Variants in LRP1B observed in about 807,000 individuals in gnomAD.
The protein encoded by LRP1B is LDL receptor related protein 1B, also known as low-density lipoprotein receptor-related protein 1B.
Under a neutral mutation model 556.6 loss-of-function variants are expected in LRP1B, and 217 were observed. The observed-to-expected ratio is 0.39, with a 90% CI of 0.35 to 0.44. The LOEUF is 0.44. Ranked by LOEUF, LRP1B falls within the 20% of genes least tolerant of loss-of-function variation. LRP1B has a pLI of 1.00. For synonymous variants in LRP1B, 2,047 were observed against 1,865.8 expected, an observed-to-expected ratio of 1.10 and a Z score of -2.50; for missense variants, 5,053 against 5,620.8, an observed-to-expected ratio of 0.90 and a Z score of 3.23.
Position 140,534,244 on chromosome 2 carries a change from T to G in LRP1B, c.7643-104A>C, listed in dbSNP as rs1393476872. 2.1e-5 allele frequency: 23 copies of G among 1,092,398 alleles called. No individual in the cohort carries two copies. The South Asian group carries it at 3.1e-4, about 15-fold the overall frequency. The allele number at this position is 1,092,398 out of a possible 1,614,324, so 67.7% of individuals were successfully genotyped here. A position where few individuals can be genotyped will look rare whatever the true frequency, so the allele number is the denominator to read the frequency against. On this transcript the variant is annotated intron_variant, in intron 46 of 90. Transcript: ENST00000389484. ...TCATTCATAATGACTGGATTATGGA[T>G]CTATAAAACAAGTGCTGTGCCATAT... is the stretch of plus-strand genomic sequence containing the variant.
chr2:140,853,668 C>A (rs1034622345), intron 27 of LRP1B, among the ~76,000 whole-genome samples: 2 of 131,454 alleles, frequency 1.5e-5, no homozygotes, highest in East Asian at 4.3e-4. Flanking sequence ...GTAATAGTGT[C>A]TTTGTATTTG....
chr2:141,023,339 G>C (rs189488307), intron 11 of LRP1B, among the ~76,000 whole-genome samples: 1 of 151,838 alleles, frequency 6.6e-6, no homozygotes, highest in Non-Finnish European at 1.5e-5. Flanking sequence ...AAAAATTCCT[G>C]ATGTTAACAA....
intron 43 of LRP1B, among the ~76,000 whole-genome samples, chr2:140,571,943 T>C (rs1487300388): frequency 6.6e-6 from 1 of 151,762 alleles, no homozygotes; most frequent in Non-Finnish European, 1.5e-5. Context: ...GATATCCATA[T>C]GCAGATGAAT....
chr2:141,735,841 C>T (rs1039526513), intron 2 of LRP1B, among the ~76,000 whole-genome samples: 24 of 152,042 alleles, frequency 1.6e-4, no homozygotes, highest in African/African-American at 5.3e-4. Flanking sequence ...CTCAGAAGGC[C>T]AAGATGGTGC....
At chr2:141,290,827 T>A (rs922064384) in intron 3 of LRP1B, among the ~76,000 whole-genome samples, 11 of 152,156 alleles carry the variant, frequency 7.2e-5, no homozygotes, top group African/African-American at 2.4e-4. Flanking sequence ...GGTGATTAAT[T>A]TCTAAGTTCA....
At chr2:141,344,307 A>C (rs1331540178) in intron 3 of LRP1B, among the ~76,000 whole-genome samples, 1 of 152,170 alleles carries the variant, frequency 6.6e-6, no homozygotes, top group Admixed American at 6.5e-5. Context: ...AGGGTCCTAC[A>C]TAACAAGGTC....
At chr2:141,724,007 G>A (rs564450608) in intron 2 of LRP1B, among the ~76,000 whole-genome samples, 27 of 151,850 alleles carry the variant, frequency 1.8e-4, no homozygotes, top group African/African-American at 4.8e-4. Flanking sequence ...AAGGGAAAAC[G>A]ATAAAGTTAA....
intron 3 of LRP1B, among the ~76,000 whole-genome samples, chr2:141,372,856 C>T (rs1258520283): frequency 6.6e-6 from 1 of 151,862 alleles, no homozygotes; most frequent in Non-Finnish European, 1.5e-5. Context: ...TTTGGGGGTG[C>T]CTCTCTTTAA....
intron 56 of LRP1B, among the ~76,000 whole-genome samples, chr2:140,493,882 G>A (rs1351930901): frequency 6.6e-6 from 1 of 151,972 alleles, no homozygotes; most frequent in Non-Finnish European, 1.5e-5. Flanking sequence ...TCCCAAATTA[G>A]TCATTCTCAT....
chr2:140,385,798 G>A lies in LRP1B; in HGVS notation c.10531+95C>T, dbSNP rs1175631418. ...GCATAAAAATGTGAGCCATAAGACA[G>A]GTTCAAATTTATACCTTAACAGAAC... On this transcript the variant is annotated intron_variant, in intron 67 of 90. Coordinates refer to ENST00000389484, the MANE Select transcript of LRP1B (RefSeq NM_018557.3). 6 of 802,958 alleles carry A rather than the reference G, an allele frequency of 7.5e-6. No individual in the cohort carries two copies. In the Admixed American group the frequency reaches 8.1e-5, roughly 11 times the overall value. The allele number at this position is 802,958 out of a possible 1,614,324, so 49.7% of individuals were successfully genotyped here.
intron 7 of LRP1B, among the ~76,000 whole-genome samples, chr2:141,106,525 G>T (rs1243519208): frequency 6.8e-6 from 1 of 147,254 alleles, no homozygotes; most frequent in Non-Finnish European, 1.5e-5. Context: ...CTTATCTGAA[G>T]AATTCAGAAG....
intron 35 of LRP1B, among the ~76,000 whole-genome samples, chr2:140,760,065 C>T (rs1688862945): frequency 6.6e-6 from 1 of 152,072 alleles, no homozygotes; most frequent in South Asian, 2.1e-4. Flanking sequence ...TTGAAGGACT[C>T]TTCTGGAATG....
chr2:140,376,016 GTTT>G (rs150928947), intron 68 of LRP1B, among the ~76,000 whole-genome samples: 7 of 149,902 alleles, frequency 4.7e-5, no homozygotes, highest in Non-Finnish European at 1.5e-5. Flanking sequence ...CACTTGTTCA[GTTT>G]TTTTTTGTTC....
At chr2:140,793,346 C>G (rs1438597410) in intron 32 of LRP1B, among the ~76,000 whole-genome samples, 3 of 151,936 alleles carry the variant, frequency 2.0e-5, no homozygotes, top group African/African-American at 7.2e-5. Context: ...AATATACAAA[C>G]TAGCACTTTA....
intron 27 of LRP1B, among the ~76,000 whole-genome samples, chr2:140,858,250 G>C (rs1441816945): frequency 1.3e-5 from 2 of 152,028 alleles, no homozygotes. Context: ...TGCAGACACT[G>C]AGAAGCCCTG....
intron 7 of LRP1B, among the ~76,000 whole-genome samples, chr2:141,091,925 A>G (rs1010706900): frequency 6.6e-6 from 1 of 152,154 alleles, no homozygotes; most frequent in Admixed American, 6.5e-5. Flanking sequence ...CACCACTATG[A>G]CTGCTGCCAC....
intron 2 of LRP1B, among the ~76,000 whole-genome samples, chr2:141,744,307 A>T (rs1693833710): frequency 1.3e-5 from 2 of 152,038 alleles, no homozygotes; most frequent in African/African-American, 4.8e-5. Context: ...AATTCCTATT[A>T]TTCCTCTAGT....
chr2:140,571,981 T>C (rs1053486232), intron 43 of LRP1B, among the ~76,000 whole-genome samples: 4 of 151,572 alleles, frequency 2.6e-5, no homozygotes, highest in African/African-American at 4.8e-5. Context: ...TCTCATCATA[T>C]AAAAAAATTC....
intron 37 of LRP1B, among the ~76,000 whole-genome samples, chr2:140,712,817 G>T (rs1687080872): frequency 6.6e-6 from 1 of 152,044 alleles, no homozygotes; most frequent in South Asian, 2.1e-4. Flanking sequence ...TCTGTTCTCT[G>T]CTTTTTTTCT....
Sources: allele counts gnomAD v4.1 joint callset (sites outside exome capture counted in the v4.1 genomes callset), GRCh38; gene constraint gnomAD v4.1.1; transcripts MANE v1.5; gene names NCBI Gene and HGNC (gene_info 2026-07-23, HGNC 2026-07-21).